The following CHST9 variants were observed in gnomAD, a reference collection of about 807,000 sequenced individuals.
CHST9 encodes the protein GalNAc-4-sulfotransferase 2.
A neutral mutation model predicts 44.4 loss-of-function variants in CHST9; 41 were observed. That is an observed-to-expected ratio of 0.92 (90% CI 0.72 to 1.20). The LOEUF (loss-of-function observed/expected upper bound fraction) is 1.20. CHST9 is among the 50% of genes most tolerant of loss of function. The pLI, the probability that CHST9 is intolerant of heterozygous loss-of-function variation, is 0.00. For synonymous variants in CHST9, 171 were observed against 178.4 expected, an observed-to-expected ratio of 0.96 and a Z score of 0.33; for missense variants, 504 against 516.5, an observed-to-expected ratio of 0.98 and a Z score of 0.23.
At chr18:27,047,962 G>A (rs1046477487) in intron 3 of CHST9, among the ~76,000 whole-genome samples, 7 of 152,166 alleles carry the variant, frequency 4.6e-5, no homozygotes, top group Non-Finnish European at 1.0e-4. Context: ...TATGTGCAAT[G>A]GCATTCTGCC....
chr18:26,992,699 T>C (rs187461329), intron 4 of CHST9, among the ~76,000 whole-genome samples: 3 of 152,260 alleles, frequency 2.0e-5, no homozygotes, highest in African/African-American at 7.2e-5. Context: ...ATGGCCTGTT[T>C]AACATTTCAC....
chr18:27,153,896 T>C (rs2058678806), intron 1 of CHST9, among the ~76,000 whole-genome samples: 1 of 152,040 alleles, frequency 6.6e-6, no homozygotes, highest in African/African-American at 2.4e-5. Flanking sequence ...TATGTCCTAG[T>C]GAATGTGAAT....
chr18:27,061,266 C>T (rs1008483354), intron 2 of CHST9, among the ~76,000 whole-genome samples: 22 of 152,282 alleles, frequency 1.4e-4, no homozygotes, highest in Non-Finnish European at 2.2e-4. Context: ...TGTTATTTAA[C>T]CTTTTTGGGT....
chr18:27,098,433 C>T (rs1030657827), intron 2 of CHST9, among the ~76,000 whole-genome samples: 3 of 151,926 alleles, frequency 2.0e-5, no homozygotes, highest in Non-Finnish European at 4.4e-5. Flanking sequence ...TCCATTTGAC[C>T]CAGCAATCCC....
chr18:27,041,102 C>T (rs961467084), intron 3 of CHST9, among the ~76,000 whole-genome samples: 4 of 152,094 alleles, frequency 2.6e-5, no homozygotes, highest in Admixed American at 6.6e-5. Flanking sequence ...ACAACTTCCA[C>T]GATAAATTAG....
chr18:27,099,441 C>T lies in CHST9; in HGVS notation c.121+43248G>A, dbSNP rs2058149011. ...GACAAGTGTTTGCAAACTATGCATC[C>T]AACAAAGGTCTAATATACAGAATTG... On this transcript the variant is annotated intron_variant, in intron 2 of 5. Transcript: ENST00000618847. 2.6e-5 allele frequency among the ~76,000 whole-genome samples: 4 copies of T among 151,888 alleles called. No homozygotes were observed. The South Asian group carries it at 6.2e-4, about 24-fold the overall frequency.
intron 4 of CHST9, among the ~76,000 whole-genome samples, chr18:27,018,073 T>C (rs1598643028): frequency 1.3e-5 from 2 of 152,292 alleles, no homozygotes; most frequent in South Asian, 4.2e-4. Flanking sequence ...CAGAGATGAA[T>C]GTCATTGCCA....
At chr18:26,978,285 A>ATGTG (rs35717712) in intron 4 of CHST9, among the ~76,000 whole-genome samples, 98 of 150,328 alleles carry the variant, frequency 6.5e-4, no homozygotes, top group Admixed American at 2.3e-3. Context: ...GAGTGTGTGT[A>ATGTG]TGTGTGTGTG....
intron 4 of CHST9, among the ~76,000 whole-genome samples, chr18:26,981,260 C>T (rs1012518237): frequency 1.3e-5 from 2 of 152,224 alleles, no homozygotes; most frequent in Middle Eastern, 6.8e-3. Context: ...ATATGCATAA[C>T]CAGACAAAGT....
intron 5 of CHST9, among the ~76,000 whole-genome samples, chr18:26,920,600 A>T (rs772743110): frequency 6.6e-6 from 1 of 152,164 alleles, no homozygotes; most frequent in Admixed American, 6.5e-5. Context: ...GGCGCATAGA[A>T]GATGTTAAGG....
chr18:27,161,722 G>A (rs7233313), intron 1 of CHST9, among the ~76,000 whole-genome samples: 120,555 of 151,892 alleles, frequency 0.79, 48,077 homozygotes, highest in East Asian at 0.92. Flanking sequence ...AAAATCTCCC[G>A]TTATTATTGT....
At chr18:26,951,003 G>A (rs553979927) in intron 4 of CHST9, among the ~76,000 whole-genome samples, 9 of 152,254 alleles carry the variant, frequency 5.9e-5, no homozygotes, top group South Asian at 2.1e-4. Context: ...TTGTCTGACC[G>A]GCAGATTAAG....
chr18:27,123,694 G>A (rs1439261736), intron 2 of CHST9, among the ~76,000 whole-genome samples: 1 of 152,208 alleles, frequency 6.6e-6, no homozygotes, highest in Non-Finnish European at 1.5e-5. Context: ...AATAAATATT[G>A]TGGCAACAGA....
intron 4 of CHST9, among the ~76,000 whole-genome samples, chr18:26,978,189 A>C (rs1159863224): frequency 6.6e-6 from 1 of 151,276 alleles, no homozygotes; most frequent in Non-Finnish European, 1.5e-5. Flanking sequence ...TATTTTATTT[A>C]ATTAGAAATC....
intron 2 of CHST9, among the ~76,000 whole-genome samples, chr18:27,115,076 GCTGTGAAGAATGTGCTTGCT>G (rs2143793035): frequency 6.6e-6 from 1 of 152,220 alleles, no homozygotes; most frequent in African/African-American, 2.4e-5. Context: ...GTCCTGCTGT[GCTGTGAAGAATGTGCTTGCT>G]TCTCCTTTAC....
At position 27,154,241 on chromosome 18, in the gene CHST9, C is replaced by A. The variant is rs115621688; in HGVS notation, c.-96-11336G>T. On this transcript the variant is annotated intron_variant, in intron 1 of 5. Transcript: ENST00000618847. ...CTAATATTTCTTAAGCAGTTATATT[C>A]TCGGTGCTACTACTCTAAGCATTTT... is the stretch of plus-strand genomic sequence containing the variant. 7.6e-3 allele frequency among the ~76,000 whole-genome samples: 1,148 copies of A among 151,994 alleles called. 18 individuals carry two copies. Among genetic ancestry groups the A allele is most frequent in the African/African-American group, 0.026 (1,096 of 41,458 alleles).
intron 2 of CHST9, among the ~76,000 whole-genome samples, chr18:27,125,584 A>T (rs2058413477): frequency 6.6e-6 from 1 of 152,180 alleles, no homozygotes; most frequent in Non-Finnish European, 1.5e-5. Flanking sequence ...TAATGAGAAA[A>T]ATTCTTCATC....
intron 2 of CHST9, among the ~76,000 whole-genome samples, chr18:27,091,415 T>TC (rs2058067775): frequency 6.6e-6 from 1 of 152,220 alleles, no homozygotes; most frequent in South Asian, 2.1e-4. Context: ...ACTTCCCGAT[T>TC]TCCTAATCGA....
chr18:26,955,901 G>T (rs937002453), intron 4 of CHST9, among the ~76,000 whole-genome samples: 1 of 152,086 alleles, frequency 6.6e-6, no homozygotes, highest in Non-Finnish European at 1.5e-5. Flanking sequence ...GGATCAGGGG[G>T]ACTCAGGAGC....
Sources: allele counts gnomAD v4.1 joint callset (sites outside exome capture counted in the v4.1 genomes callset), GRCh38; gene constraint gnomAD v4.1.1; transcripts MANE v1.5; gene names NCBI Gene and HGNC (gene_info 2026-07-23, HGNC 2026-07-21).